PCARE: variants seen among roughly 807,000 people sequenced by gnomAD.
PCARE encodes photoreceptor cilium actin regulator, also known as uncharacterized protein C2orf71.
A neutral mutation model predicts 82.2 loss-of-function variants in PCARE; 72 were observed. That is an observed-to-expected ratio of 0.88 (90% CI 0.72 to 1.07). The LOEUF is 1.07. Ranked by LOEUF, PCARE falls within the 50% of genes least tolerant of loss-of-function variation. The pLI is 0.00. For synonymous variants in PCARE, 705 were observed against 634.8 expected, an observed-to-expected ratio of 1.11 and a Z score of -1.66; for missense variants, 1,768 against 1,592.4, an observed-to-expected ratio of 1.11 and a Z score of -1.88.
rs886044003 is a variant in PCARE at position 29,072,434 on chromosome 2, G to A, written c.1828C>T (p.Gln610Ter). ...TCCCTCTGGACCCTTCGCAGCTCCTGAAAGGTGGGGTCCTCCACGTGACTC... is the reference window on the plus strand; with the variant it reads ...TCCCTCTGGACCCTTCGCAGCTCCTAAAAGGTGGGGTCCTCCACGTGACTC... ...LQSHVEDPTF[Q>*]ELRRVQRDLS... is the part of the protein sequence containing the mutation. The change falls in exon 1 of 2, where the codon CAG becomes TAG. Residue 610 changes from glutamine (Q) to a stop codon, truncating the protein, a stop_gained. Coordinates refer to ENST00000331664, the MANE Select transcript of PCARE (RefSeq NM_001029883.3). LOFTEE classifies it high-confidence loss of function. 6.2e-7 allele frequency: 1 copy of A among 1,614,170 alleles called. No individual in the cohort carries two copies. The highest frequency in any genetic ancestry group is 1.7e-5 in the Admixed American group (1 of 60,030).
At chr2:29,065,611 C>A (rs961179935) in intron 1 of PCARE, among the ~76,000 whole-genome samples, 2 of 152,172 alleles carry the variant, frequency 1.3e-5, no homozygotes, top group East Asian at 3.9e-4. Flanking sequence ...GGGGAGAGGA[C>A]CCCCACAGGA....
At position 29,072,118 on chromosome 2, in the gene PCARE, G is replaced by GAC; in HGVS notation, c.2143_2144insGT (p.Ala715GlyfsTer31). ...TCTGACATTCCAGTCTGTGGCCTTG[G>GAC]CAGCCTCACTGACCTCTCCTGATGG... On this transcript the variant is annotated frameshift_variant, in exon 1 of 2. Transcript: ENST00000331664. LOFTEE classifies it high-confidence loss of function. 1.2e-6 allele frequency: 2 copies of GAC among 1,614,234 alleles called. No homozygotes were observed. Among genetic ancestry groups the GAC allele is most frequent in the Non-Finnish European group, 1.7e-6 (2 of 1,180,040 alleles).
At chr2:29,066,499 T>C (rs1666535456) in intron 1 of PCARE, among the ~76,000 whole-genome samples, 1 of 152,252 alleles carries the variant, frequency 6.6e-6, no homozygotes, top group African/African-American at 2.4e-5. Context: ...GCCTGATCTG[T>C]GAGCTTTATT....
In PCARE at chr2:29,070,805, C is replaced by T; in HGVS notation, c.3457G>A (p.Gly1153Arg). The change falls in exon 1 of 2, where the codon GGG becomes AGG. Residue 1153 changes from glycine (G) to arginine (R), a missense_variant. By Grantham distance (125) the Gly-to-Arg change is moderately radical. Coordinates refer to ENST00000331664, the MANE Select transcript of PCARE (RefSeq NM_001029883.3). The stretch of plus-strand genomic sequence containing the variant: ...TCTGCTGGGTTCCCGAGAGGGCCCC[C>T]AGCCTCTGGCGGCAGCGATGGTGGG... ...LTPPSLPPEA[G>R]GPLGNPAECW... is the part of the protein sequence containing the mutation. The T allele has an allele frequency of 6.2e-7, 1 of 1,614,144 alleles. No homozygotes were observed. The highest frequency in any genetic ancestry group is 8.5e-7 in the Non-Finnish European group (1 of 1,180,032).
Position 29,064,612 on chromosome 2 carries a change from G to T in PCARE, c.*257C>A. ...CCACCCCAAATTAAGGCCAGCACTTGAAGCATTAAATACTGTCATTGTGGG... is the reference window on the plus strand; with the variant it reads ...CCACCCCAAATTAAGGCCAGCACTTTAAGCATTAAATACTGTCATTGTGGG... On this transcript the variant is annotated 3_prime_UTR_variant, in exon 2 of 2. Transcript: ENST00000331664. The T allele has an allele frequency of 6.9e-6, 4 of 583,268 alleles. No homozygotes were observed. In the South Asian group the frequency reaches 8.3e-5, roughly 12 times the overall value. 36.1% of individuals were successfully genotyped at this position (583,268 alleles called of 1,614,324 possible). A position where few individuals can be genotyped will look rare whatever the true frequency, so the allele number is the denominator to read the frequency against.
At position 29,073,700 on chromosome 2, in the gene PCARE, AAGCCTGCTGGTGGGCCTTTACC is replaced by A; in HGVS notation, c.540_561del (p.Val181ThrfsTer68). The A allele has an allele frequency of 1.2e-6, 2 of 1,612,664 alleles. No homozygotes were observed. Among genetic ancestry groups the A allele is most frequent in the Non-Finnish European group, 1.7e-6 (2 of 1,179,434 alleles). ...GAGAGGCTGGAGTGTAGATAGGTGT[AAGCCTGCTGGTGGGCCTTTACC>A]AGAGGCTCCGGGAAGTCCACTTTGC... On this transcript the variant is annotated frameshift_variant, in exon 1 of 2. Coordinates refer to ENST00000331664, the MANE Select transcript of PCARE (RefSeq NM_001029883.3). LOFTEE classifies it high-confidence loss of function.
rs1186123509 is a variant in PCARE, at chr2:29,064,850, T to G, written c.*19A>C. On this transcript the variant is annotated 3_prime_UTR_variant, in exon 2 of 2. Coordinates refer to ENST00000331664, the MANE Select transcript of PCARE (RefSeq NM_001029883.3). ...GCCTTCTGGGGTGACTGCGTGAGTG[T>G]GGCCCCCTCGTCAGCCTGTCAGGAC... 2 of 1,609,468 alleles carry G rather than the reference T, an allele frequency of 1.2e-6. No homozygotes were observed.
In PCARE at chr2:29,071,263, T is replaced by C. The variant is rs370536429; in HGVS notation, c.2999A>G (p.His1000Arg). 18 of 1,613,254 alleles carry C rather than the reference T, an allele frequency of 1.1e-5. No homozygotes were observed. The highest frequency in any genetic ancestry group is 1.4e-5 in the Non-Finnish European group (17 of 1,179,882). Reference protein sequence around the residue: ...VGRKASPTRTHWVPQADKRRR... With the variant: ...VGRKASPTRTRWVPQADKRRR... ...CCTCTTGTCTGCTTGAGGCACCCAG[T>C]GTGTCCTCGTGGGAGAGGCCTTTCT... The change falls in exon 1 of 2, where the codon CAC becomes CGC. Residue 1000 changes from histidine to arginine, a missense_variant. His to Arg is a conservative substitution (Grantham distance 29). Transcript: ENST00000331664.
chr2:29,069,390 T>C (rs896482677), intron 1 of PCARE, among the ~76,000 whole-genome samples: 3 of 152,232 alleles, frequency 2.0e-5, no homozygotes, highest in Non-Finnish European at 2.9e-5. Flanking sequence ...ATCATGTCTT[T>C]TGCAGGCACA....
Position 29,072,744 on chromosome 2 carries a change from C to T in PCARE, c.1518G>A (p.Gln506=), listed in dbSNP as rs1312077297. The T allele has an allele frequency of 1.2e-6, 2 of 1,613,970 alleles. No individual in the cohort carries two copies. Among genetic ancestry groups the T allele is most frequent in the Non-Finnish European group, 1.7e-6 (2 of 1,180,024 alleles). Residue 506 remains glutamine, a synonymous_variant, in exon 1 of 2, where the codon CAG becomes CAA. Coordinates refer to ENST00000331664, the MANE Select transcript of PCARE (RefSeq NM_001029883.3). ...KMSSMSLCAW[Q]EKTPHSRPQS... The stretch of plus-strand genomic sequence containing the variant: ...GTGGCCTTGAATGTGGAGTTTTTTC[C>T]TGCCAGGCACACAGACTCATGCTGC...
chr2:29,065,132 CCT>C, intron 1 of PCARE, 65 bp from the exon 2 acceptor site: 4 of 1,505,170 alleles, frequency 2.7e-6, no homozygotes, highest in East Asian at 4.9e-5. Context: ...CTGCCCCACC[CCT>C]GTCCTCCATT....
chr2:29,073,827 C>G lies in PCARE; in HGVS notation c.435G>C (p.Trp145Cys), dbSNP rs776459304. The stretch of plus-strand genomic sequence containing the variant: ...ACGTGTGACATTTTGCTGTCCTTTT[C>G]CATTTGGAAGTATCTTGGGTACTAC... ...EESSTQDTSK[W>C]KRTAKCHTSS... Residue 145 changes from tryptophan (W) to cysteine (C), a missense_variant, in exon 1 of 2, where the codon TGG (tryptophan) becomes TGC (cysteine). Trp to Cys is a radical substitution (Grantham distance 215, BLOSUM62 -2). Transcript: ENST00000331664. 6.2e-7 allele frequency: 1 copy of G among 1,614,092 alleles called. No homozygotes were observed. Among genetic ancestry groups the G allele is most frequent in the South Asian group, 1.1e-5 (1 of 91,084 alleles).
Position 29,070,640 on chromosome 2 carries a change from A to G in PCARE, c.3622T>C (p.Leu1208=). The change falls in exon 1 of 2, where the codon TTG becomes CTG. Residue 1208 remains leucine (L), a synonymous_variant. Coordinates refer to ENST00000331664, the MANE Select transcript of PCARE (RefSeq NM_001029883.3). ...QPGGRPQPPT[L]DPTSTSYESQ... The stretch of plus-strand genomic sequence containing the variant: ...TCATAAGAGGTGCTGGTGGGGTCCA[A>G]GGTGGGAGGCTGCGGTCGGCCACCT... 6.2e-7 allele frequency: 1 copy of G among 1,613,984 alleles called. No homozygotes were observed. The highest frequency in any genetic ancestry group is 8.5e-7 in the Non-Finnish European group (1 of 1,179,908).
In PCARE at chr2:29,072,176, G is replaced by A. The variant is rs1253293795; in HGVS notation, c.2086C>T (p.Gln696Ter). ...TTTGGAAGCTTCCCAGCTTTGCCTT[G>A]TTCGTCCTCAGGATGGGGATTGCAT... is the stretch of plus-strand genomic sequence containing the variant. ...QKCNPHPEDE[Q>*]GKAGKLPNAI... The change falls in exon 1 of 2, where the codon CAA (glutamine) becomes TAA (stop). Residue 696 changes from glutamine to a stop codon, truncating the protein, a stop_gained. Coordinates refer to ENST00000331664, the MANE Select transcript of PCARE (RefSeq NM_001029883.3). LOFTEE classifies it high-confidence loss of function. 1.9e-5 allele frequency: 30 copies of A among 1,614,120 alleles called. No homozygotes were observed. The highest frequency in any genetic ancestry group is 2.3e-5 in the Non-Finnish European group (27 of 1,180,054).
chr2:29,071,262 G>C lies in PCARE; in HGVS notation c.3000C>G (p.His1000Gln). ...VGRKASPTRT[H>Q]WVPQADKRRR... is the part of the protein sequence containing the mutation. ...GCCTCTTGTCTGCTTGAGGCACCCAGTGTGTCCTCGTGGGAGAGGCCTTTC... is the reference window on the plus strand; with the variant it reads ...GCCTCTTGTCTGCTTGAGGCACCCACTGTGTCCTCGTGGGAGAGGCCTTTC... The change falls in exon 1 of 2, where the codon CAC (histidine) becomes CAG (glutamine). Residue 1000 changes from histidine to glutamine, a missense_variant. By Grantham distance (24) the His-to-Gln change is conservative. Transcript: ENST00000331664. The C allele has an allele frequency of 5.0e-6, 8 of 1,613,492 alleles. No individual in the cohort carries two copies. Among genetic ancestry groups the C allele is most frequent in the Non-Finnish European group, 6.8e-6 (8 of 1,179,920 alleles).
chr2:29,073,640 C>CG lies in PCARE; in HGVS notation c.621_622insC (p.Ala208ArgfsTer20). 3 of 1,614,164 alleles carry CG rather than the reference C, an allele frequency of 1.9e-6. No individual in the cohort carries two copies. The highest frequency in any genetic ancestry group is 2.5e-6 in the Non-Finnish European group (3 of 1,180,020). ...TGCAGCAGCTCCCGGGTCTGGGTGG[C>CG]CTGATGGATGATGCACAGAATTGCT... On this transcript the variant is annotated frameshift_variant, in exon 1 of 2. Coordinates refer to ENST00000331664, the MANE Select transcript of PCARE (RefSeq NM_001029883.3). LOFTEE classifies it high-confidence loss of function.
Position 29,072,483 on chromosome 2 carries a change from C to T in PCARE, c.1779G>A (p.Arg593=). The change falls in exon 1 of 2, where the codon AGG becomes AGA. Residue 593 remains arginine (R), a synonymous_variant. Transcript: ENST00000331664. The stretch of plus-strand genomic sequence containing the variant: ...TCTGGAGACACGACTCTGACTGGGA[C>T]CTCGTCTGCCTCTCAGGGGCCCTCC... ...GSRRAPERQT[R]SQSESCLQSH... The T allele has an allele frequency of 6.2e-7, 1 of 1,614,212 alleles. No homozygotes were observed. Among genetic ancestry groups the T allele is most frequent in the Non-Finnish European group, 8.5e-7 (1 of 1,180,040 alleles).
At chr2:29,070,090 A>G (rs997240625) in intron 1 of PCARE, among the ~76,000 whole-genome samples, 1 of 148,028 alleles carries the variant, frequency 6.8e-6, no homozygotes, top group Non-Finnish European at 1.5e-5. Flanking sequence ...GAACTTTACT[A>G]TTTTATTTTT....
In PCARE at chr2:29,072,584, C is replaced by A; in HGVS notation, c.1678G>T (p.Gly560Trp). 1 of 1,614,116 alleles carries A rather than the reference C, an allele frequency of 6.2e-7. No individual in the cohort carries two copies. The highest frequency in any genetic ancestry group is 8.5e-7 in the Non-Finnish European group (1 of 1,180,018). Residue 560 changes from glycine (G) to tryptophan (W), a missense_variant, in exon 1 of 2, where the codon GGG becomes TGG. By Grantham distance (184) the Gly-to-Trp change is radical. Coordinates refer to ENST00000331664, the MANE Select transcript of PCARE (RefSeq NM_001029883.3). Reference sequence around the variant, plus strand: ...TCCTCCTCAGACCAGTCCTGGTGCCCACAGGGCACAGGGACAAACTTGATC... The same window carrying A: ...TCCTCCTCAGACCAGTCCTGGTGCCAACAGGGCACAGGGACAAACTTGATC... The part of the protein sequence containing the change: ...ERIKFVPVPC[G>W]HQDWSEEEEG...
Sources: allele counts gnomAD v4.1 joint callset (sites outside exome capture counted in the v4.1 genomes callset), GRCh38; gene constraint gnomAD v4.1.1; transcripts MANE v1.5; gene names NCBI Gene and HGNC (gene_info 2026-07-23, HGNC 2026-07-21).